The following GRIK4 variants were observed in gnomAD, a reference collection of about 807,000 sequenced individuals.
GRIK4 encodes glutamate ionotropic receptor kainate type subunit 4, also known as glutamate receptor ionotropic, kainate 4.
A neutral mutation model predicts 104.9 loss-of-function variants in GRIK4; 40 were observed. That is an observed-to-expected ratio of 0.38 (90% CI 0.30 to 0.50). The LOEUF is 0.50. Among genes scored for constraint, GRIK4 ranks in the 20% least tolerant of loss-of-function variants. GRIK4 has a pLI of 0.93. For synonymous variants in GRIK4, 485 were observed against 524.9 expected, an observed-to-expected ratio of 0.92 and a Z score of 1.04; for missense variants, 1,047 against 1,308.1, an observed-to-expected ratio of 0.80 and a Z score of 3.08.
rs772083937 is a variant in GRIK4, at chr11:120,985,925, G to A, written c.2536G>A (p.Val846Met). The A allele has an allele frequency of 4.2e-5, 65 of 1,551,548 alleles. No individual in the cohort carries two copies. The African/African-American group carries it at 5.9e-4, about 14-fold the overall frequency. Residue 846 changes from valine (V) to methionine (M), a missense_variant, in exon 21 of 21, where the codon GTG becomes ATG. Val to Met is a conservative substitution (Grantham distance 21). Coordinates refer to ENST00000527524, the MANE Select transcript of GRIK4 (RefSeq NM_014619.5). ...CCAGGTGTCCGTCTGCCAGGAGATGGTGACCGAGCTGCGCAGCATTATCCT... is the reference window on the plus strand; with the variant it reads ...CCAGGTGTCCGTCTGCCAGGAGATGATGACCGAGCTGCGCAGCATTATCCT... ...ATEVSVCQEM[V>M]TELRSIILCQ... is the part of the protein sequence containing the mutation.
chr11:120,562,477 G>T (rs988069844), intron 1 of GRIK4, among the ~76,000 whole-genome samples: 3 of 152,174 alleles, frequency 2.0e-5, no homozygotes, highest in African/African-American at 7.2e-5. Flanking sequence ...CCTGAGCTGA[G>T]CCTAGAAGGA....
At chr11:120,800,246 G>A (rs1228477200) in intron 3 of GRIK4, among the ~76,000 whole-genome samples, 1 of 152,168 alleles carries the variant, frequency 6.6e-6, no homozygotes, top group African/African-American at 2.4e-5. Context: ...GAATTGTGAT[G>A]GTGGGAGCTG....
At chr11:120,894,253 ATTACT>A (rs1426978186) in intron 11 of GRIK4, 14 of 152,298 alleles carry the variant, frequency 9.2e-5, no homozygotes, top group African/African-American at 3.4e-4. Flanking sequence ...TGAGGTAATA[ATTACT>A]ATTTTAATCC....
At chr11:120,620,140 T>G in intron 1 of GRIK4, 1 of 833,230 alleles carries the variant, frequency 1.2e-6, no homozygotes, top group Non-Finnish European at 2.1e-6. Flanking sequence ...TCAACATGGC[T>G]TTATCATGCC....
rs1951094185 is a variant in GRIK4, at chr11:120,729,649, T to G, written c.82+69249T>G. ...TAGAGTTGTTTGAGCTCCTTATATA[T>G]TCTGGTAATTAATCTCTTGTCAGAT... is the stretch of plus-strand genomic sequence containing the variant. On this transcript the variant is annotated intron_variant, in intron 3 of 20. Coordinates refer to ENST00000527524, the MANE Select transcript of GRIK4 (RefSeq NM_014619.5). Among the ~76,000 whole-genome samples, 4 of 152,224 alleles carry G rather than the reference T, an allele frequency of 2.6e-5. No homozygotes were observed. In the South Asian group the frequency reaches 8.3e-4, roughly 32 times the overall value.
chr11:120,600,355 A>G (rs886202958), intron 1 of GRIK4, among the ~76,000 whole-genome samples: 1 of 152,200 alleles, frequency 6.6e-6, no homozygotes, highest in Non-Finnish European at 1.5e-5. Context: ...GTCTTAAAAA[A>G]AAAGAAAACT....
chr11:120,582,538 T>G (rs555229086), intron 1 of GRIK4, among the ~76,000 whole-genome samples: 2 of 152,280 alleles, frequency 1.3e-5, no homozygotes, highest in African/African-American at 4.8e-5. Flanking sequence ...ATTTATTAGG[T>G]TGGTGCAAAA....
chr11:120,624,397 C>A (rs1949228526), intron 1 of GRIK4, among the ~76,000 whole-genome samples: 1 of 152,050 alleles, frequency 6.6e-6, no homozygotes, highest in South Asian at 2.1e-4. Context: ...GAGGTCCTGG[C>A]CCCAAAGCTA....
intron 1 of GRIK4, among the ~76,000 whole-genome samples, chr11:120,578,510 G>A (rs988982648): frequency 6.6e-6 from 1 of 152,186 alleles, no homozygotes; most frequent in Admixed American, 6.5e-5. Context: ...AACCTTACAC[G>A]TAACACAGCT....
intron 1 of GRIK4, among the ~76,000 whole-genome samples, chr11:120,622,101 A>G (rs1949196781): frequency 6.6e-6 from 1 of 152,054 alleles, no homozygotes; most frequent in African/African-American, 2.4e-5. Context: ...GAGTTTTGCC[A>G]TGTTGGCCAG....
intron 3 of GRIK4, among the ~76,000 whole-genome samples, chr11:120,713,116 G>A (rs1037953534): frequency 3.9e-5 from 6 of 152,184 alleles, no homozygotes; most frequent in African/African-American, 7.2e-5. Flanking sequence ...CATGTCAAGC[G>A]TGTGGTTCTA....
chr11:120,932,918 T>C (rs1175196343), intron 13 of GRIK4, among the ~76,000 whole-genome samples: 1 of 152,146 alleles, frequency 6.6e-6, no homozygotes, highest in African/African-American at 2.4e-5. Flanking sequence ...ATCTGGAAGC[T>C]GATCAGAGAT....
At position 120,953,357 on chromosome 11, in the gene GRIK4, T is replaced by C. The variant is rs564302413; in HGVS notation, c.1700+393T>C. On this transcript the variant is annotated intron_variant, in intron 15 of 20. Coordinates refer to ENST00000527524, the MANE Select transcript of GRIK4 (RefSeq NM_014619.5). The surrounding 1 kb of genome is among the most constrained non-coding windows in gnomAD (Gnocchi z 4.9). ...CATTTGGCTGCCCTGGCATCAGTCATTGCCACAAAGGATCTGCCACAAAGT... is the reference window on the plus strand; with the variant it reads ...CATTTGGCTGCCCTGGCATCAGTCACTGCCACAAAGGATCTGCCACAAAGT... Among the ~76,000 whole-genome samples the C allele has an allele frequency of 2.0e-5, 3 of 151,870 alleles. No individual in the cohort carries two copies. Among genetic ancestry groups the C allele is most frequent in the Admixed American group, 2.0e-4 (3 of 15,262 alleles).
intron 1 of GRIK4, among the ~76,000 whole-genome samples, chr11:120,575,373 T>C (rs1054011329): frequency 6.6e-6 from 1 of 152,174 alleles, no homozygotes. Context: ...CCTTATTCAG[T>C]GGCTCTTCAT....
intron 19 of GRIK4, among the ~76,000 whole-genome samples, chr11:120,974,596 A>G (rs147007159): frequency 7.9e-4 from 120 of 152,358 alleles, no homozygotes; most frequent in African/African-American, 2.4e-3. Flanking sequence ...CCAATATTAC[A>G]GCTCAAACAT....
Position 120,985,958 on chromosome 11 carries a change from G to C in GRIK4, c.2569G>C (p.Asp857His), listed in dbSNP as rs536558955. The part of the protein sequence containing the change: ...TELRSIILCQ[D>H]SIHPRRRRAA... Reference sequence around the variant, plus strand: ...GCTGCGCAGCATTATCCTGTGTCAGGACAGTATCCACCCCCGCCGGCGGCG... The same window carrying C: ...GCTGCGCAGCATTATCCTGTGTCAGCACAGTATCCACCCCCGCCGGCGGCG... Residue 857 changes from aspartate (D) to histidine (H), a missense_variant, in exon 21 of 21, where the codon GAC (aspartate) becomes CAC (histidine). Transcript: ENST00000527524. The C allele has an allele frequency of 6.5e-7, 1 of 1,544,046 alleles. No homozygotes were observed.
At chr11:120,603,699 G>A (rs1012301294) in intron 1 of GRIK4, among the ~76,000 whole-genome samples, 6 of 152,216 alleles carry the variant, frequency 3.9e-5, no homozygotes, top group African/African-American at 1.4e-4. Flanking sequence ...TTGCCTTCAA[G>A]CGTCATACCC....
At chr11:120,960,777 C>A in intron 16 of GRIK4, 132 bp from the exon 17 acceptor site, 1 of 633,150 alleles carries the variant, frequency 1.6e-6, no homozygotes, top group Non-Finnish European at 2.7e-6. Context: ...CTTTCTCTTC[C>A]CCCACTAAGC....
At chr11:120,660,539 A>G (rs563510929) in intron 3 of GRIK4, 139 bp downstream of exon 3, 42 of 644,316 alleles carry the variant, frequency 6.5e-5, no homozygotes, top group Non-Finnish European at 9.7e-5. Context: ...TGGGGTGAAC[A>G]TGCAGGTGGT....
Sources: gnomAD v4.1 joint callset for allele counts (sites outside exome capture counted in the v4.1 genomes callset) on GRCh38, gnomAD v4.1.1 for gene constraint, Gnocchi (gnomAD v3.1) non-coding constraint, MANE v1.5 for transcripts, NCBI Gene and HGNC (gene_info 2026-07-23, HGNC 2026-07-21) for gene names.